CFAP299: variants seen among roughly 807,000 people sequenced by gnomAD.
CFAP299 encodes cilia and flagella associated protein 299.
Under a neutral mutation model 27.0 loss-of-function variants are expected in CFAP299, and 21 were observed. That is an observed-to-expected ratio of 0.78 (90% confidence interval 0.55 to 1.12). The LOEUF is 1.12. CFAP299 is among the 50% of genes most tolerant of loss of function. CFAP299 has a pLI of 0.00. For missense variants in CFAP299, 310 were observed against 276.6 expected (o/e 1.12, Z -0.86); for synonymous variants, 104 against 98.1 (o/e 1.06, Z -0.36).
chr4:80,866,081 A>ATATATATATATG (rs1553901551), intron 3 of CFAP299, among the ~76,000 whole-genome samples: 13 of 122,564 alleles, frequency 1.1e-4, no homozygotes, highest in African/African-American at 3.8e-4. Flanking sequence ...ATATATATAT[A>ATATATATATATG]TATATATATA....
At chr4:80,609,138 C>T (rs572498903) in intron 3 of CFAP299, among the ~76,000 whole-genome samples, 1 of 151,906 alleles carries the variant, frequency 6.6e-6, no homozygotes, top group South Asian at 2.1e-4. Context: ...CATATATTTG[C>T]TACTTGAGTA....
chr4:80,911,472 A>G (rs1266246635), intron 4 of CFAP299, among the ~76,000 whole-genome samples: 1 of 152,138 alleles, frequency 6.6e-6, no homozygotes, highest in Non-Finnish European at 1.5e-5. Flanking sequence ...ATTAACATAG[A>G]ATTTTGATAG....
chr4:80,321,894 G>A, the CFAP299 span, among the ~76,000 whole-genome samples: 16 of 152,172 alleles, frequency 1.1e-4, no homozygotes, highest in African/African-American at 3.9e-4. Context: ...CCAAGAAAGA[G>A]GAGAAGGAGA....
chr4:80,622,813 A>G (rs149527492), intron 3 of CFAP299, among the ~76,000 whole-genome samples: 349 of 152,236 alleles, frequency 2.3e-3, no homozygotes, highest in African/African-American at 7.8e-3. Context: ...CACATCATCT[A>G]AAAAAACTCC....
chr4:80,770,115 T>C (rs1040409972), intron 3 of CFAP299, among the ~76,000 whole-genome samples: 3 of 152,226 alleles, frequency 2.0e-5, no homozygotes, highest in African/African-American at 7.2e-5. Flanking sequence ...TCTTGGTCCC[T>C]TTCAAGTCAA....
intron 2 of CFAP299, among the ~76,000 whole-genome samples, chr4:80,565,331 G>A (rs957324993): frequency 6.6e-6 from 1 of 151,946 alleles, no homozygotes; most frequent in Admixed American, 6.6e-5. Context: ...TACTACTATG[G>A]CATAATCCCC....
chr4:80,844,291 A>G (rs1231028088), intron 3 of CFAP299, among the ~76,000 whole-genome samples: 1 of 152,116 alleles, frequency 6.6e-6, no homozygotes, highest in East Asian at 1.9e-4. Context: ...GCTGGGTCAA[A>G]TGGTATTTCT....
intron 2 of CFAP299, among the ~76,000 whole-genome samples, chr4:80,384,542 G>A (rs1311024738): frequency 6.6e-6 from 1 of 152,092 alleles, no homozygotes; most frequent in Non-Finnish European, 1.5e-5. Context: ...TGGGAGCTGG[G>A]GTAAGCTAGA....
intron 2 of CFAP299, among the ~76,000 whole-genome samples, chr4:80,496,887 T>C (rs1249114361): frequency 6.6e-6 from 1 of 152,094 alleles, no homozygotes; most frequent in Non-Finnish European, 1.5e-5. Context: ...TATCACATGG[T>C]GAATGTACGT....
intron 5 of CFAP299, among the ~76,000 whole-genome samples, chr4:80,949,215 T>C (rs757384428): frequency 6.6e-6 from 1 of 152,160 alleles, no homozygotes; most frequent in Non-Finnish European, 1.5e-5. Flanking sequence ...ATGAGTCACA[T>C]GGGGAGGTGA....
chr4:80,688,600 G>C (rs1224216286), intron 3 of CFAP299, among the ~76,000 whole-genome samples: 1 of 152,186 alleles, frequency 6.6e-6, no homozygotes, highest in Non-Finnish European at 1.5e-5. Context: ...GGAAAAAACA[G>C]AGCAGAAAAA....
chr4:80,467,382 A>G (rs1729759273), intron 2 of CFAP299, among the ~76,000 whole-genome samples: 2 of 152,116 alleles, frequency 1.3e-5, no homozygotes, highest in South Asian at 4.1e-4. Context: ...AAGCTTGTCA[A>G]TCCTTATTTC....
intron 3 of CFAP299, among the ~76,000 whole-genome samples, chr4:80,745,520 GAGT>G (rs1440870907): frequency 6.6e-6 from 1 of 151,966 alleles, no homozygotes; most frequent in Admixed American, 6.6e-5. Context: ...ACAAATTTCA[GAGT>G]AGTTTTTTTA....
intron 2 of CFAP299, among the ~76,000 whole-genome samples, chr4:80,425,989 T>G (rs2110074110): frequency 6.6e-6 from 1 of 152,286 alleles, no homozygotes; most frequent in East Asian, 1.9e-4. Context: ...TGAAGTTGGG[T>G]TTTTGTGCAA....
intron 3 of CFAP299, among the ~76,000 whole-genome samples, chr4:80,811,300 G>T (rs1275034750): frequency 6.6e-6 from 1 of 151,970 alleles, no homozygotes; most frequent in Non-Finnish European, 1.5e-5. Flanking sequence ...TTTACTCTGT[G>T]GTCATCATAG....
rs1177895838 is a variant in CFAP299 at position 80,627,469 on chromosome 4, A to G, written c.333+44286A>G. Reference sequence around the variant, plus strand: ...CATGTTAACCACTTCCATTCAATATAGTATTGGATGTGCTAGCCAGAGCAA... The same window carrying G: ...CATGTTAACCACTTCCATTCAATATGGTATTGGATGTGCTAGCCAGAGCAA... On this transcript the variant is annotated intron_variant, in intron 3 of 5. Transcript: ENST00000358105. Among the ~76,000 whole-genome samples, 3 of 152,050 alleles carry G rather than the reference A, an allele frequency of 2.0e-5. No homozygotes were observed. The East Asian group carries it at 5.8e-4, about 29-fold the overall frequency.
chr4:80,476,969 G>GTA (rs1340661406), intron 2 of CFAP299, among the ~76,000 whole-genome samples: 1 of 151,916 alleles, frequency 6.6e-6, no homozygotes, highest in African/African-American at 2.4e-5. Context: ...GCGTGTGTGT[G>GTA]TGTGTGTGTG....
intron 2 of CFAP299, among the ~76,000 whole-genome samples, chr4:80,443,559 C>T (rs1025302268): frequency 2.0e-5 from 3 of 152,106 alleles, no homozygotes; most frequent in Non-Finnish European, 2.9e-5. Flanking sequence ...TTATGACAAA[C>T]CCACAGCCAA....
chr4:80,955,041 C>CA lies in CFAP299; in HGVS notation c.607-8475dup, dbSNP rs1283833849. Among the ~76,000 whole-genome samples the CA allele has an allele frequency of 1.6e-5, 2 of 127,300 alleles. 1 individual carries two copies. 83.5% of individuals were successfully genotyped at this position (127,300 alleles called of 152,430 possible). A position where few individuals can be genotyped will look rare whatever the true frequency, so the allele number is the denominator to read the frequency against. On this transcript the variant is annotated intron_variant, in intron 5 of 5. Transcript: ENST00000358105. ...AAAAAAAAAAAAAAAAAAACGCACACATGGCCATATACAGAGTAGTATAAT... is the reference window on the plus strand; with the variant it reads ...AAAAAAAAAAAAAAAAAAACGCACACAATGGCCATATACAGAGTAGTATAAT...
Sources: allele counts gnomAD v4.1 joint callset (sites outside exome capture counted in the v4.1 genomes callset), GRCh38; gene constraint gnomAD v4.1.1; transcripts MANE v1.5; gene names NCBI Gene and HGNC (gene_info 2026-07-23, HGNC 2026-07-21).